The following SV2C variants were observed in gnomAD, a reference collection of about 807,000 sequenced individuals.
SV2C encodes solute carrier family 22 member B3.
Under a neutral mutation model 79.7 loss-of-function variants are expected in SV2C, and 49 were observed. The ratio of observed to expected loss-of-function variants is 0.61; its 90% CI spans 0.49 to 0.78. The LOEUF (loss-of-function observed/expected upper bound fraction) is 0.78. Ranked by LOEUF, SV2C falls within the 30% of genes least tolerant of loss-of-function variation. SV2C has a pLI of 0.00. For missense variants in SV2C, 833 were observed against 912.9 expected (o/e 0.91, Z 1.13); for synonymous variants, 334 against 333.2 (o/e 1.00, Z -0.03).
the SV2C span, among the ~76,000 whole-genome samples, chr5:76,034,986 T>G: frequency 4.6e-5 from 7 of 152,322 alleles, no homozygotes; most frequent in East Asian, 1.3e-3. Context: ...GGAGAGTGTA[T>G]GTGTTGAGGA....
the SV2C span, among the ~76,000 whole-genome samples, chr5:75,857,091 G>A: frequency 6.6e-6 from 1 of 151,604 alleles, no homozygotes; most frequent in Admixed American, 6.6e-5. Context: ...CCAAGTAGCT[G>A]GGACTACAGG....
At chr5:75,960,543 T>C in the SV2C span, among the ~76,000 whole-genome samples, 1 of 152,002 alleles carries the variant, frequency 6.6e-6, no homozygotes, top group Non-Finnish European at 1.5e-5. Flanking sequence ...ATGTACAGAT[T>C]TGTGGCCAAA....
chr5:76,132,578 A>G (rs935065233), intron 2 of SV2C, among the ~76,000 whole-genome samples: 2 of 152,100 alleles, frequency 1.3e-5, no homozygotes, highest in Non-Finnish European at 1.5e-5. Flanking sequence ...CATCAACCCA[A>G]TTTATTTTTA....
the SV2C span, among the ~76,000 whole-genome samples, chr5:75,898,613 T>G: frequency 6.6e-6 from 1 of 152,110 alleles, no homozygotes; most frequent in Non-Finnish European, 1.5e-5. Flanking sequence ...CCCTCTTTTT[T>G]TATTGATTGG....
At chr5:76,222,566 A>C (rs1365343197) in intron 4 of SV2C, among the ~76,000 whole-genome samples, 1 of 152,164 alleles carries the variant, frequency 6.6e-6, no homozygotes, top group African/African-American at 2.4e-5. Context: ...TACACATGTG[A>C]TAAAATAAAA....
chr5:76,022,452 A>G, the SV2C span, among the ~76,000 whole-genome samples: 1 of 152,176 alleles, frequency 6.6e-6, no homozygotes, highest in South Asian at 2.1e-4. Context: ...AGCCTATCCC[A>G]TATTAATTCC....
At chr5:76,124,652 T>A (rs1224917592) in intron 1 of SV2C, among the ~76,000 whole-genome samples, 1 of 152,232 alleles carries the variant, frequency 6.6e-6, no homozygotes, top group East Asian at 1.9e-4. Flanking sequence ...CTAGATTATA[T>A]GGTAATTCTA....
intron 2 of SV2C, among the ~76,000 whole-genome samples, chr5:76,157,488 T>TGTAAAAGA (rs1246053092): frequency 6.6e-6 from 1 of 151,986 alleles, no homozygotes; most frequent in Non-Finnish European, 1.5e-5. Context: ...CATATATATG[T>TGTAAAAGA]GTAAAAGACA....
At chr5:76,246,507 A>T (rs1325456082) in intron 4 of SV2C, among the ~76,000 whole-genome samples, 1 of 152,144 alleles carries the variant, frequency 6.6e-6, no homozygotes, top group African/African-American at 2.4e-5. Flanking sequence ...GTAGCTGTGG[A>T]CCATTAAAAC....
At chr5:75,940,871 A>T in the SV2C span, among the ~76,000 whole-genome samples, 3 of 152,200 alleles carry the variant, frequency 2.0e-5, no homozygotes, top group African/African-American at 7.2e-5. Flanking sequence ...TAAAGTGTGT[A>T]TTTAAAGTGT....
At chr5:75,959,168 T>C in the SV2C span, among the ~76,000 whole-genome samples, 1 of 151,968 alleles carries the variant, frequency 6.6e-6, no homozygotes, top group East Asian at 1.9e-4. Flanking sequence ...TTCTGACCTG[T>C]GACAGTCCAG....
chr5:75,910,013 A>T, the SV2C span, among the ~76,000 whole-genome samples: 5 of 152,328 alleles, frequency 3.3e-5, no homozygotes, highest in East Asian at 9.6e-4. Context: ...GTGCATCTTC[A>T]GGCAGGGCCC....
At chr5:75,968,791 T>G in the SV2C span, among the ~76,000 whole-genome samples, 58 of 152,236 alleles carry the variant, frequency 3.8e-4, no homozygotes, top group African/African-American at 1.3e-3. Flanking sequence ...CCTATCAAAG[T>G]AGGCCAACAT....
chr5:76,099,088 C>G (rs896245248), intron 1 of SV2C, among the ~76,000 whole-genome samples: 4 of 152,068 alleles, frequency 2.6e-5, no homozygotes, highest in Non-Finnish European at 5.9e-5. Flanking sequence ...TGTTGATTAT[C>G]ATGTCAGACA....
At chr5:75,897,196 T>C in the SV2C span, among the ~76,000 whole-genome samples, 1 of 151,324 alleles carries the variant, frequency 6.6e-6, no homozygotes, top group South Asian at 2.1e-4. Flanking sequence ...GTTTTTATGG[T>C]TTTAGGTCTA....
intron 4 of SV2C, chr5:76,241,982 T>C (rs1166664044): frequency 4.1e-6 from 4 of 975,728 alleles, no homozygotes; most frequent in Non-Finnish European, 6.5e-6. Flanking sequence ...TTTCAAACTG[T>C]ACAGTCACCA....
Position 76,348,258 on chromosome 5 carries a change from G to C in SV2C, c.2001-4872G>C, listed in dbSNP as rs573615221. ...GCATATTACTCCATGTATATTCATGGCTTGATACCTCATTTCTTTTTAGCA... is the reference window on the plus strand; with the variant it reads ...GCATATTACTCCATGTATATTCATGCCTTGATACCTCATTTCTTTTTAGCA... On this transcript the variant is annotated intron_variant, in intron 12 of 12. Coordinates refer to the SV2C transcript ENST00000322285. Among the ~76,000 whole-genome samples, 8 of 152,158 alleles carry C rather than the reference G, an allele frequency of 5.3e-5. No homozygotes were observed. The South Asian group carries it at 1.7e-3, about 32-fold the overall frequency.
the SV2C span, among the ~76,000 whole-genome samples, chr5:75,943,829 C>T: frequency 3.3e-5 from 5 of 152,220 alleles, no homozygotes; most frequent in African/African-American, 4.8e-5. Flanking sequence ...ATGCTTTCTC[C>T]GTCCCTCTCC....
At chr5:75,981,054 A>G in the SV2C span, among the ~76,000 whole-genome samples, 1 of 152,208 alleles carries the variant, frequency 6.6e-6, no homozygotes, top group Non-Finnish European at 1.5e-5. Context: ...TATCACTAGC[A>G]TTCCTATACA....
Sources: gnomAD v4.1 joint callset for allele counts (sites outside exome capture counted in the v4.1 genomes callset) on GRCh38, gnomAD v4.1.1 for gene constraint, MANE v1.5 for transcripts, NCBI Gene and HGNC (gene_info 2026-07-23, HGNC 2026-07-21) for gene names.